Variants in GSS observed in about 807,000 individuals in gnomAD.
GSS encodes glutathione synthetase.
Under a neutral mutation model 60.4 loss-of-function variants are expected in GSS, and 34 were observed. That is an observed-to-expected ratio of 0.56 (90% confidence interval 0.43 to 0.75). GSS has a LOEUF of 0.75. GSS is among the 30% of genes least tolerant of loss of function. The pLI, the probability that GSS is intolerant of heterozygous loss-of-function variation, is 0.00. For synonymous variants in GSS, 224 were observed against 239.0 expected (o/e 0.94, Z 0.58); for missense variants, 499 against 595.1 (o/e 0.84, Z 1.68).
At chr20:34,932,190 A>G in intron 9 of GSS, 57 bp from the exon 10 acceptor site, 2 of 1,340,772 alleles carry the variant, frequency 1.5e-6, no homozygotes, top group South Asian at 2.3e-5. Context: ...GCTGACGTTT[A>G]CTGAACATCC....
chr20:34,950,383 G>C (rs1569018228), intron 2 of GSS, among the ~76,000 whole-genome samples: 1 of 151,994 alleles, frequency 6.6e-6, no homozygotes, highest in Non-Finnish European at 1.5e-5. Flanking sequence ...AAAAAAGAAT[G>C]GGTCTGGCTA....
intron 12 of GSS, 162 bp from the exon 13 acceptor site, chr20:34,929,113 G>T: frequency 2.3e-6 from 2 of 865,314 alleles, no homozygotes; most frequent in South Asian, 1.4e-5. Flanking sequence ...CTAGTCCTAG[G>T]TTGTCAAACC....
chr20:34,951,079 T>A (rs1337439470), intron 2 of GSS, among the ~76,000 whole-genome samples: 1 of 152,108 alleles, frequency 6.6e-6, no homozygotes, highest in Non-Finnish European at 1.5e-5. Context: ...CTATTTATGG[T>A]CATAAAATAA....
intron 2 of GSS, among the ~76,000 whole-genome samples, chr20:34,947,998 A>T (rs1268847826): frequency 6.9e-5 from 10 of 144,324 alleles, no homozygotes. Context: ...CCCAGACTGG[A>T]ATACAGTGGC....
At position 34,928,460 on chromosome 20, in the gene GSS, G is replaced by C. The variant is rs1352202134; in HGVS notation, c.*368C>G. 5 of 352,256 alleles carry C rather than the reference G, an allele frequency of 1.4e-5. No homozygotes were observed. The highest frequency in any genetic ancestry group is 1.1e-4 in the Admixed American group (3 of 26,370). The allele number at this position is 352,256 out of a possible 1,614,324, so 21.8% of individuals were successfully genotyped here. A position where few individuals can be genotyped will look rare whatever the true frequency, so the allele number is the denominator to read the frequency against. ...AATCAGCAATGCAGTTTTATTTAAG[G>C]CAGAATTAGGGAAAGGCTATGCCCC... On this transcript the variant is annotated 3_prime_UTR_variant, in exon 13 of 13. Transcript: ENST00000651619.
chr20:34,936,376 C>A lies in GSS; in HGVS notation c.767+387G>T, dbSNP rs36021884. On this transcript the variant is annotated intron_variant, in intron 8 of 12. Coordinates refer to ENST00000651619, the MANE Select transcript of GSS (RefSeq NM_000178.4). ...GAAAAGGATAAGGCTTGGCTTGGAACACAAATCCAGGCTCGAGCTCAGACA... is the reference window on the plus strand; with the variant it reads ...GAAAAGGATAAGGCTTGGCTTGGAAAACAAATCCAGGCTCGAGCTCAGACA... Among the ~76,000 whole-genome samples, 30 of 152,302 alleles carry A rather than the reference C, an allele frequency of 2.0e-4. No homozygotes were observed. The East Asian group carries it at 5.2e-3, about 26-fold the overall frequency.
intron 9 of GSS, among the ~76,000 whole-genome samples, chr20:34,934,427 C>T (rs977198474): frequency 5.3e-5 from 8 of 151,874 alleles, no homozygotes; most frequent in Non-Finnish European, 7.4e-5. Flanking sequence ...CAGGGGTATG[C>T]CACCACGCCC....
At chr20:34,935,432 A>T (rs890322130) in intron 9 of GSS, 144 bp downstream of exon 9, 26 of 719,416 alleles carry the variant, frequency 3.6e-5, no homozygotes, top group South Asian at 2.5e-4. Flanking sequence ...TTGAGGGAGG[A>T]TAGGAGGTTC....
chr20:34,936,951 T>C lies in GSS; in HGVS notation c.681A>G (p.Leu227=). Residue 227 remains leucine (L), a synonymous_variant, in exon 7 of 13, where the codon CTA becomes CTG. Coordinates refer to ENST00000651619, the MANE Select transcript of GSS (RefSeq NM_000178.4). ...CCCCTTCCTTTACTTACCTGGCCAG[T>C]AGCTCATTCTCTATGGCACGCTGGT... The part of the protein sequence containing the change: ...IFDQRAIENE[L]LARNIHVIRR... The C allele has an allele frequency of 6.2e-7, 1 of 1,608,518 alleles. No homozygotes were observed. Among genetic ancestry groups the C allele is most frequent in the Non-Finnish European group, 8.5e-7 (1 of 1,175,166 alleles).
chr20:34,949,069 C>CT (rs902430025), intron 2 of GSS, among the ~76,000 whole-genome samples: 3 of 151,752 alleles, frequency 2.0e-5, no homozygotes, highest in African/African-American at 7.3e-5. Context: ...TTGGCTCTGA[C>CT]TTTTTAAAAA....
intron 6 of GSS, 86 bp from the exon 7 acceptor site, chr20:34,937,109 T>A: frequency 1.1e-6 from 1 of 879,636 alleles, no homozygotes; most frequent in South Asian, 1.4e-5. Flanking sequence ...CCGCCCCACC[T>A]CCTGGAATAA....
At chr20:34,948,206 A>G (rs2081537997) in intron 2 of GSS, among the ~76,000 whole-genome samples, 1 of 152,144 alleles carries the variant, frequency 6.6e-6, no homozygotes, top group Non-Finnish European at 1.5e-5. Context: ...TAGAATGGGA[A>G]TGACTGCAGA....
At chr20:34,947,949 C>CTTTTTT (rs11429240) in intron 2 of GSS, among the ~76,000 whole-genome samples, 1 of 136,020 alleles carries the variant, frequency 7.4e-6, no homozygotes, top group Non-Finnish European at 1.6e-5. Context: ...TTCTCAGCAT[C>CTTTTTT]TTTTTTTTTT....
In GSS at chr20:34,951,717, G is replaced by T; in HGVS notation, c.129+7C>A. On this transcript the variant is annotated splice_region_variant and intron_variant, in intron 2 of 12. Transcript: ENST00000651619. ...GTGAATGCTGTGGGGAGGAGCTAGG[G>T]GCTTACCTCCGAGGAAGTGGGCTCC... 2 of 1,600,974 alleles carry T rather than the reference G, an allele frequency of 1.2e-6. No individual in the cohort carries two copies. The highest frequency in any genetic ancestry group is 1.7e-6 in the Non-Finnish European group (2 of 1,172,824).
intron 12 of GSS, chr20:34,929,181 T>C (rs2081378489): frequency 1.4e-6 from 1 of 694,310 alleles, no homozygotes; most frequent in Non-Finnish European, 2.5e-6. Context: ...GCAAAGGACT[T>C]CTCATCAGGG....
intron 6 of GSS, among the ~76,000 whole-genome samples, chr20:34,938,721 T>C (rs1027984609): frequency 5.3e-5 from 8 of 152,218 alleles, no homozygotes; most frequent in Non-Finnish European, 1.5e-5. Flanking sequence ...CAATCAGAGC[T>C]GGGCTCAGAA....
At chr20:34,948,515 G>C (rs1312867173) in intron 2 of GSS, among the ~76,000 whole-genome samples, 2 of 152,190 alleles carry the variant, frequency 1.3e-5, no homozygotes, top group African/African-American at 2.4e-5. Flanking sequence ...GCCGGGCACG[G>C]TGGCTCATGC....
At chr20:34,942,396 A>G in intron 5 of GSS, 92 bp downstream of exon 5, 2 of 1,253,928 alleles carry the variant, frequency 1.6e-6, no homozygotes, top group South Asian at 1.3e-5. Context: ...GGAAAGCACA[A>G]TCATAGCTGG....
At chr20:34,940,181 G>A (rs1261420058) in intron 6 of GSS, among the ~76,000 whole-genome samples, 1 of 152,052 alleles carries the variant, frequency 6.6e-6, no homozygotes, top group Non-Finnish European at 1.5e-5. Flanking sequence ...TCTCACAATG[G>A]GGGAAGCCAG....
Sources: allele counts gnomAD v4.1 joint callset (sites outside exome capture counted in the v4.1 genomes callset), GRCh38; gene constraint gnomAD v4.1.1; transcripts MANE v1.5; gene names NCBI Gene and HGNC (gene_info 2026-07-23, HGNC 2026-07-21).